The following VPS8 variants were observed in gnomAD, a reference collection of about 807,000 sequenced individuals.
VPS8 encodes the protein vacuolar protein sorting-associated protein 8 homolog.
Under a neutral mutation model 216.4 loss-of-function variants are expected in VPS8, and 129 were observed. The observed-to-expected ratio is 0.60, with a 90% confidence interval of 0.52 to 0.69. The LOEUF is 0.69. Among genes scored for constraint, VPS8 ranks in the 30% least tolerant of loss-of-function variants. The pLI, the probability that VPS8 is intolerant of heterozygous loss-of-function variation, is 0.00. For missense variants in VPS8, 1,531 were observed against 1,683.5 expected, an observed-to-expected ratio of 0.91 and a Z score of 1.59; for synonymous variants, 571 against 565.4, an observed-to-expected ratio of 1.01 and a Z score of -0.14.
intron 46 of VPS8, among the ~76,000 whole-genome samples, chr3:185,027,408 A>T (rs2110092582): frequency 6.6e-6 from 1 of 151,560 alleles, no homozygotes. Context: ...ACGCCCGGCT[A>T]ATTTTTTGTA....
At chr3:184,928,629 TTTAA>T (rs1740117020) in intron 32 of VPS8, 96 bp downstream of exon 32, 2 of 906,138 alleles carry the variant, frequency 2.2e-6, no homozygotes, top group Non-Finnish European at 3.0e-6. Flanking sequence ...TTGCTGCTTT[TTTAA>T]TTAGGAAAGA....
At chr3:184,896,980 C>A (rs1733613100) in intron 23 of VPS8, among the ~76,000 whole-genome samples, 1 of 151,862 alleles carries the variant, frequency 6.6e-6, no homozygotes, top group Admixed American at 6.6e-5. Flanking sequence ...TAGGTAAAAG[C>A]AACAGCTAGC....
intron 23 of VPS8, among the ~76,000 whole-genome samples, chr3:184,897,329 G>T (rs559366711): frequency 1.2e-4 from 19 of 152,236 alleles, no homozygotes; most frequent in African/African-American, 4.3e-4. Flanking sequence ...ATATGAGGGT[G>T]TGAGAGTGTG....
rs143564075 is a variant in VPS8 at position 184,907,410 on chromosome 3, G to A, written c.2147-6109G>A. ...GAATTTCCTTGTGGGTAAATTGTGA[G>A]GGAGGTATGTAGCTTCTTATCTTTG... On this transcript the variant is annotated intron_variant, in intron 25 of 47. Transcript: ENST00000625842. Among the ~76,000 whole-genome samples the A allele has an allele frequency of 1.4e-4, 22 of 152,316 alleles. No homozygotes were observed. The East Asian group carries it at 4.3e-3, about 29-fold the overall frequency.
intron 32 of VPS8, among the ~76,000 whole-genome samples, chr3:184,928,835 T>A (rs190425942): frequency 6.6e-6 from 1 of 152,314 alleles, no homozygotes; most frequent in Admixed American, 6.5e-5. Context: ...TTTCATAAAT[T>A]GTTGATGGTT....
At chr3:184,908,298 C>T (rs553027384) in intron 25 of VPS8, among the ~76,000 whole-genome samples, 10 of 152,312 alleles carry the variant, frequency 6.6e-5, no homozygotes, top group East Asian at 3.9e-4. Context: ...AATTTTCTCT[C>T]GGTCCTTTGC....
At chr3:184,897,076 G>A (rs1250018778) in intron 23 of VPS8, among the ~76,000 whole-genome samples, 1 of 152,194 alleles carries the variant, frequency 6.6e-6, no homozygotes, top group African/African-American at 2.4e-5. Flanking sequence ...GCAGGGCAAG[G>A]TATAGATCTT....
chr3:184,982,005 A>G (rs999026980), intron 40 of VPS8, among the ~76,000 whole-genome samples: 1 of 152,134 alleles, frequency 6.6e-6, no homozygotes, highest in African/African-American at 2.4e-5. Flanking sequence ...GTTAACTGAT[A>G]CAGTTTTAAC....
intron 23 of VPS8, among the ~76,000 whole-genome samples, chr3:184,896,357 T>G (rs1733472575): frequency 6.6e-6 from 1 of 152,150 alleles, no homozygotes; most frequent in African/African-American, 2.4e-5. Context: ...GTAAATATAC[T>G]CTAGTCTTTT....
At chr3:185,015,490 C>T (rs1319327924) in intron 45 of VPS8, among the ~76,000 whole-genome samples, 1 of 152,210 alleles carries the variant, frequency 6.6e-6, no homozygotes, top group Non-Finnish European at 1.5e-5. Context: ...GCTACAAGCT[C>T]CACCTTTTGA....
At chr3:184,826,034 A>G in intron 2 of VPS8, 129 bp from the exon 3 acceptor site, 3 of 645,382 alleles carry the variant, frequency 4.6e-6, no homozygotes, top group Non-Finnish European at 7.9e-6. Flanking sequence ...ATTACTGTGG[A>G]TTTTTGAGTT....
At chr3:184,926,570 A>G (rs752354888) in intron 30 of VPS8, 24 bp from the exon 31 acceptor site, 1 of 1,568,158 alleles carries the variant, frequency 6.4e-7, no homozygotes, top group Non-Finnish European at 8.6e-7. Flanking sequence ...GATATCAAAT[A>G]AAAAATACTT....
intron 37 of VPS8, among the ~76,000 whole-genome samples, chr3:184,959,278 G>A (rs531754701): frequency 6.6e-6 from 1 of 152,172 alleles, no homozygotes; most frequent in South Asian, 2.1e-4. Context: ...GTTTCTTAAA[G>A]GAGTCTGGTT....
rs117218802 is a variant in VPS8, at chr3:185,050,234, T to A, written c.4138-1642T>A. Reference sequence around the variant, plus strand: ...CTGTTCAAGGCATCGTACATAACAGTCATTGCAGAGAACGTCGCAGGCTGA... The same window carrying A: ...CTGTTCAAGGCATCGTACATAACAGACATTGCAGAGAACGTCGCAGGCTGA... On this transcript the variant is annotated intron_variant, in intron 47 of 47. Transcript: ENST00000625842. Among the ~76,000 whole-genome samples the A allele has an allele frequency of 1.5e-4, 23 of 151,622 alleles. No homozygotes were observed. The East Asian group carries it at 4.3e-3, about 28-fold the overall frequency.
At chr3:184,838,450 A>T (rs1182267984) in intron 5 of VPS8, among the ~76,000 whole-genome samples, 1 of 152,104 alleles carries the variant, frequency 6.6e-6, no homozygotes, top group African/African-American at 2.4e-5. Context: ...TTGCATTTCC[A>T]TTATAATCAG....
At chr3:184,835,467 A>G (rs148118619) in intron 5 of VPS8, among the ~76,000 whole-genome samples, 2 of 152,250 alleles carry the variant, frequency 1.3e-5, no homozygotes, top group African/African-American at 2.4e-5. Context: ...ACGATATTTA[A>G]TGGTCCATAG....
chr3:184,832,452 G>C (rs993698064), intron 3 of VPS8, among the ~76,000 whole-genome samples: 1 of 152,128 alleles, frequency 6.6e-6, no homozygotes, highest in East Asian at 1.9e-4. Context: ...TACTGCTCCT[G>C]CTTCTTCCTG....
chr3:184,831,365 A>G (rs1371359489), intron 3 of VPS8, among the ~76,000 whole-genome samples: 1 of 152,234 alleles, frequency 6.6e-6, no homozygotes, highest in African/African-American at 2.4e-5. Context: ...GCTAACAGAA[A>G]GCAGGCCAGT....
intron 45 of VPS8, among the ~76,000 whole-genome samples, chr3:185,005,625 T>TTTATTTATTTA (rs143945623): frequency 6.7e-6 from 1 of 150,228 alleles, no homozygotes; most frequent in Admixed American, 6.6e-5. Flanking sequence ...ATTTTATTTA[T>TTTATTTATTTA]TTTATTTATT....
Sources: gnomAD v4.1 joint callset for allele counts (sites outside exome capture counted in the v4.1 genomes callset) on GRCh38, gnomAD v4.1.1 for gene constraint, MANE v1.5 for transcripts, NCBI Gene and HGNC (gene_info 2026-07-23, HGNC 2026-07-21) for gene names.